DLG4: variants seen among roughly 807,000 people sequenced by gnomAD.
DLG4 encodes discs large MAGUK scaffold protein 4.
A neutral mutation model predicts 93.8 loss-of-function variants in DLG4; 7 were observed. The observed-to-expected ratio is 0.07, with a 90% confidence interval of 0.04 to 0.14. The LOEUF (loss-of-function observed/expected upper bound fraction) is 0.14, where lower values mean the gene tolerates loss of function less well. Among genes scored for constraint, DLG4 ranks in the 10% least tolerant of loss-of-function variants. The probability of loss-of-function intolerance (pLI) is 1.00; values close to 1 mark genes in which losing one functional copy is unlikely to be tolerated. For synonymous variants in DLG4, 341 were observed against 387.6 expected (o/e 0.88, Z 1.41); for missense variants, 545 against 992.9 (o/e 0.55, Z 6.06).
chr17:7,218,856 C>G, upstream of DLG4: 1 of 1,613,670 alleles, frequency 6.2e-7, no homozygotes. Flanking sequence ...ACATCTCTCT[C>G]TTCTCTCACT....
chr17:7,193,784 G>A lies in DLG4; in HGVS notation c.1543+60C>T. On this transcript the variant is annotated intron_variant, in intron 14 of 19. Coordinates refer to ENST00000399506, the MANE Select transcript of DLG4 (RefSeq NM_001321075.3). The surrounding 1 kb of genome is among the most constrained non-coding windows in gnomAD (Gnocchi z 6.7). ...CCTGGAGCCCTGTCTCCCCCTTGAG[G>A]ATATCAAAAGCAACTCAGTGCTCCT... 1 of 1,611,402 alleles carries A rather than the reference G, an allele frequency of 6.2e-7. No individual in the cohort carries two copies. Among genetic ancestry groups the A allele is most frequent in the Non-Finnish European group, 8.5e-7 (1 of 1,178,784 alleles).
At chr17:7,218,519 C>A, upstream of DLG4, 1 of 1,552,346 alleles carries the variant, frequency 6.4e-7, no homozygotes, top group South Asian at 1.2e-5. Context: ...GGCCCAGGTC[C>A]CTCAGAAAAC....
upstream of DLG4, chr17:7,218,704 A>T: frequency 1.3e-6 from 2 of 1,529,800 alleles, no homozygotes; most frequent in Non-Finnish European, 1.8e-6. Flanking sequence ...ACACACTGTC[A>T]CTTCATCTCC....
Position 7,217,270 on chromosome 17 carries a change from TGGGGGGAGG to T in DLG4, c.-132_-124del. 1.1e-6 allele frequency: 1 copy of T among 951,784 alleles called. No individual in the cohort carries two copies. The highest frequency in any genetic ancestry group is 1.2e-6 in the Non-Finnish European group (1 of 800,746). 59.0% of individuals were successfully genotyped at this position (951,784 alleles called of 1,614,324 possible). ...CCCACTTTTGCAGGGGGGGCCAGGA[TGGGGGGAGG>T]GGTGAGAGGGGAAGGAGGGGGTTGG... On this transcript the variant is annotated 5_prime_UTR_variant, in exon 1 of 20. Coordinates refer to ENST00000399506, the MANE Select transcript of DLG4 (RefSeq NM_001321075.3).
Position 7,194,513 on chromosome 17 carries a change from A to T in DLG4, c.1302-18T>A. The T allele has an allele frequency of 3.1e-6, 5 of 1,591,096 alleles. No homozygotes were observed. The highest frequency in any genetic ancestry group is 4.3e-6 in the Non-Finnish European group (5 of 1,169,036). On this transcript the variant is annotated intron_variant, in intron 11 of 19. Transcript: ENST00000399506. The surrounding 1 kb of genome is among the most constrained non-coding windows in gnomAD (Gnocchi z 4.4). ...ACAGGGCCCTGGAGGGCAAGTGGCT[A>T]TCGGTCAGAGCCCAGCTGAGGACTC...
upstream of DLG4, chr17:7,218,775 C>T: frequency 1.2e-6 from 2 of 1,608,870 alleles, no homozygotes; most frequent in South Asian, 1.1e-5. Context: ...ATCTCCGAGC[C>T]CCAGCCCCCC....
In DLG4 at chr17:7,203,961, G is replaced by T. The variant is rs1227364585; in HGVS notation, c.210+47C>A. 2 of 1,600,870 alleles carry T rather than the reference G, an allele frequency of 1.2e-6. No individual in the cohort carries two copies. Among genetic ancestry groups the T allele is most frequent in the African/African-American group, 2.7e-5 (2 of 74,568 alleles). On this transcript the variant is annotated intron_variant, in intron 4 of 19. Transcript: ENST00000399506. This position sits in a 1 kb window ranked among gnomAD's most constrained non-coding sequence, Gnocchi z 7.2. Reference sequence around the variant, plus strand: ...CCCAGACCACATGGCAGAAAGAAAGGTACAGACGGGAGGCCACGGGGACTG... The same window carrying T: ...CCCAGACCACATGGCAGAAAGAAAGTTACAGACGGGAGGCCACGGGGACTG...
In DLG4 at chr17:7,217,256, A is replaced by T; in HGVS notation, c.-109T>A. ...TCCCCCCTCCGCACCCCACTTTTGC[A>T]GGGGGGGCCAGGATGGGGGGAGGGG... is the stretch of plus-strand genomic sequence containing the variant. On this transcript the variant is annotated 5_prime_UTR_variant, in exon 1 of 20. Coordinates refer to ENST00000399506, the MANE Select transcript of DLG4 (RefSeq NM_001321075.3). The T allele has an allele frequency of 2.9e-6, 3 of 1,039,932 alleles. No homozygotes were observed. Among genetic ancestry groups the T allele is most frequent in the Non-Finnish European group, 1.2e-6 (1 of 856,834 alleles). The allele number at this position is 1,039,932 out of a possible 1,614,324, so 64.4% of individuals were successfully genotyped here.
upstream of DLG4, chr17:7,219,945 G>A: frequency 2.5e-6 from 2 of 803,250 alleles, no homozygotes; most frequent in South Asian, 1.7e-5. Context: ...GCCAGAGCTG[G>A]GTCAGAGCTC....
upstream of DLG4, chr17:7,218,147 C>T (rs1232602449): frequency 4.2e-6 from 5 of 1,188,038 alleles, no homozygotes; most frequent in Non-Finnish European, 6.0e-6. Context: ...TCAGCAGGGC[C>T]CCCAAGATTC....
chr17:7,211,562 G>A (rs2070705949), intron 1 of DLG4: 1 of 421,094 alleles, frequency 2.4e-6, no homozygotes, highest in Non-Finnish European at 3.2e-6. Context: ...CCCGCACCAA[G>A]CAGAAGGAAG....
chr17:7,190,535 G>A lies in DLG4; in HGVS notation c.*173C>T, dbSNP rs1239284821. 3.3e-6 allele frequency: 2 copies of A among 612,300 alleles called. No homozygotes were observed. The highest frequency in any genetic ancestry group is 5.9e-6 in the Non-Finnish European group (2 of 340,378). The allele number at this position is 612,300 out of a possible 1,614,324, so 37.9% of individuals were successfully genotyped here. On this transcript the variant is annotated 3_prime_UTR_variant, in exon 20 of 20. Transcript: ENST00000399506. The stretch of plus-strand genomic sequence containing the variant: ...TCAGGAGCCCAGTTCTGGGGTGCGG[G>A]GATACATGCAGAGGAGTGTCCCCCC...
intron 1 of DLG4, among the ~76,000 whole-genome samples, chr17:7,213,225 A>G (rs1008521797): frequency 1.3e-5 from 2 of 148,624 alleles, no homozygotes; most frequent in African/African-American, 2.5e-5. Flanking sequence ...AACCTCCCGG[A>G]TATCTGGCAT....
At chr17:7,217,675 G>T (rs764930453), upstream of DLG4, 16 of 1,487,208 alleles carry the variant, frequency 1.1e-5, no homozygotes, top group Middle Eastern at 1.9e-4. Context: ...GCCAGAATGG[G>T]GGGGGTGCCT....
Position 7,196,261 on chromosome 17 carries a change from A to G in DLG4, c.1260T>C (p.Thr420=). 2 of 1,613,974 alleles carry G rather than the reference A, an allele frequency of 1.2e-6. No individual in the cohort carries two copies. Among genetic ancestry groups the G allele is most frequent in the East Asian group, 2.2e-5 (1 of 44,858 alleles). ...QLMNSSLGSG[T]ASLRSNPKRG... ...TTTTGGGGTTGCTCCGCAGGGACGC[A>G]GTCCCTGAGCCCAGGCTGCTGTTCA... Residue 420 remains threonine (T), a synonymous_variant, in exon 11 of 20, where the codon ACT becomes ACC. Transcript: ENST00000399506. This position sits in a 1 kb window ranked among gnomAD's most constrained non-coding sequence, Gnocchi z 8.3.
At chr17:7,207,642 G>T (rs1372397871) in intron 2 of DLG4, among the ~76,000 whole-genome samples, 1 of 151,962 alleles carries the variant, frequency 6.6e-6, no homozygotes, top group South Asian at 2.1e-4. Flanking sequence ...GGAATGAAGA[G>T]GTCCCAGGCG....
upstream of DLG4, chr17:7,219,918 A>ACGCGGG (rs1567559214): frequency 1.0e-5 from 16 of 1,567,556 alleles, no homozygotes; most frequent in Non-Finnish European, 1.4e-5. Flanking sequence ...GGGCGCCAGG[A>ACGCGGG]CGTGGGCGTG....
Position 7,208,132 on chromosome 17 carries a change from C to T in DLG4, c.96+42G>A. ...CCCCGTGGCCAGCCTCGAGGTGGGA[C>T]AAGTTCCTCTCCGCCACGTGCACCA... On this transcript the variant is annotated intron_variant, in intron 2 of 19. Transcript: ENST00000399506. This position sits in a 1 kb window ranked among gnomAD's most constrained non-coding sequence, Gnocchi z 5.4. 3 of 1,320,526 alleles carry T rather than the reference C, an allele frequency of 2.3e-6. No homozygotes were observed. Among genetic ancestry groups the T allele is most frequent in the Non-Finnish European group, 2.9e-6 (3 of 1,025,072 alleles). 81.8% of individuals were successfully genotyped at this position (1,320,526 alleles called of 1,614,324 possible).
chr17:7,190,732 C>G lies in DLG4; in HGVS notation c.2151G>C (p.Trp717Cys). 6.2e-7 allele frequency: 1 copy of G among 1,613,740 alleles called. No homozygotes were observed. The highest frequency in any genetic ancestry group is 1.1e-5 in the South Asian group (1 of 91,078). ...VIEDLSGPYI[W>C]VPARERL ...ATCAGAGTCTCTCTCGGGCTGGAAC[C>G]CAGATGTAGGGGCCTGAGAGGTCCT... The change falls in exon 20 of 20, where the codon TGG becomes TGC. Residue 717 changes from tryptophan to cysteine, a missense_variant. Physicochemically the swap from Trp to Cys is radical, Grantham distance 215. Coordinates refer to ENST00000399506, the MANE Select transcript of DLG4 (RefSeq NM_001321075.3).
Sources: allele counts gnomAD v4.1 joint callset (sites outside exome capture counted in the v4.1 genomes callset), GRCh38; gene constraint gnomAD v4.1.1; non-coding constraint Gnocchi (gnomAD v3.1); transcripts MANE v1.5; gene names NCBI Gene and HGNC (gene_info 2026-07-23, HGNC 2026-07-21).